Variants in TM4SF4 observed in about 807,000 individuals in gnomAD.
TM4SF4 encodes the protein transmembrane 4 L6 family member 4.
A neutral mutation model predicts 24.1 loss-of-function variants in TM4SF4; 24 were observed. The observed-to-expected ratio is 1.00, with a 90% CI of 0.72 to 1.40. The LOEUF (loss-of-function observed/expected upper bound fraction) is 1.40. Among genes scored for constraint, TM4SF4 ranks in the 40% most tolerant of loss-of-function variants. TM4SF4 has a pLI of 0.00. For missense variants in TM4SF4, 254 were observed against 254.2 expected (o/e 1.00, Z 0.01); for synonymous variants, 113 against 97.0 (o/e 1.17, Z -0.97).
intron 2 of TM4SF4, among the ~76,000 whole-genome samples, chr3:149,486,829 C>G (rs1346016333): frequency 6.6e-6 from 1 of 152,056 alleles, no homozygotes; most frequent in Admixed American, 6.6e-5. Context: ...ATCTTTTTGG[C>G]CTCGAGGAAC....
chr3:149,481,500 C>T (rs1224215410), intron 2 of TM4SF4, among the ~76,000 whole-genome samples: 1 of 152,132 alleles, frequency 6.6e-6, no homozygotes, highest in East Asian at 1.9e-4. Context: ...GCCACTTCCC[C>T]CACTCCCTTC....
At chr3:149,477,786 G>A (rs1733958113) in intron 2 of TM4SF4, among the ~76,000 whole-genome samples, 1 of 152,082 alleles carries the variant, frequency 6.6e-6, no homozygotes. Flanking sequence ...TAAAGGAAAA[G>A]AAGGTATTTA....
At chr3:149,493,875 C>G (rs1013199550) in intron 3 of TM4SF4, among the ~76,000 whole-genome samples, 5 of 152,204 alleles carry the variant, frequency 3.3e-5, no homozygotes, top group African/African-American at 1.2e-4. Flanking sequence ...GAGGTGGCAT[C>G]TGAATTCACC....
At chr3:149,490,252 C>T (rs373750037) in intron 3 of TM4SF4, among the ~76,000 whole-genome samples, 3 of 152,226 alleles carry the variant, frequency 2.0e-5, no homozygotes, top group African/African-American at 7.2e-5. Context: ...CCTGTTTCCT[C>T]CCTTCTGAGA....
At chr3:149,496,879 A>AC (rs57990042) in intron 3 of TM4SF4, among the ~76,000 whole-genome samples, 13,006 of 151,858 alleles carry the variant, frequency 0.086, 1,107 homozygotes, top group East Asian at 0.43. Flanking sequence ...TAAAAAAAAA[A>AC]AAAACTGATG....
chr3:149,486,693 A>G (rs141153547), intron 2 of TM4SF4, among the ~76,000 whole-genome samples: 2 of 152,336 alleles, frequency 1.3e-5, no homozygotes, highest in East Asian at 3.9e-4. Flanking sequence ...ATTTAAAAGA[A>G]TGGAATTTTT....
chr3:149,490,430 A>T (rs542559109), intron 3 of TM4SF4, among the ~76,000 whole-genome samples: 1 of 152,336 alleles, frequency 6.6e-6, no homozygotes, highest in South Asian at 2.1e-4. Flanking sequence ...TTTGATCCTC[A>T]CAAAAAGTTT....
At chr3:149,481,960 A>G (rs1425737531) in intron 2 of TM4SF4, among the ~76,000 whole-genome samples, 1 of 152,250 alleles carries the variant, frequency 6.6e-6, no homozygotes, top group Admixed American at 6.5e-5. Flanking sequence ...TAACAAAAAT[A>G]CTATAATATA....
chr3:149,491,510 T>TAC (rs1234318351), intron 3 of TM4SF4, among the ~76,000 whole-genome samples: 1 of 149,624 alleles, frequency 6.7e-6, no homozygotes, highest in Admixed American at 6.7e-5. Context: ...AATATATATA[T>TAC]ATACACACAC....
chr3:149,480,145 G>T (rs562893711), intron 2 of TM4SF4, among the ~76,000 whole-genome samples: 346 of 151,970 alleles, frequency 2.3e-3, no homozygotes, highest in South Asian at 8.5e-3. Flanking sequence ...TAAGAACCCC[G>T]GCCTGGGTTT....
intron 4 of TM4SF4, among the ~76,000 whole-genome samples, chr3:149,501,814 G>C (rs1205621166): frequency 2.0e-5 from 3 of 152,206 alleles, no homozygotes; most frequent in African/African-American, 7.2e-5. Context: ...CATTCAGGCG[G>C]AAAGTATTTA....
rs147213333 is a variant in TM4SF4, at chr3:149,488,103, A to G, written c.401+348A>G. Among the ~76,000 whole-genome samples the G allele has an allele frequency of 3.3e-5, 5 of 152,358 alleles. No homozygotes were observed. The East Asian group carries it at 9.6e-4, about 29-fold the overall frequency. On this transcript the variant is annotated intron_variant, in intron 3 of 4. Coordinates refer to ENST00000305354, the MANE Select transcript of TM4SF4 (RefSeq NM_004617.4). Reference sequence around the variant, plus strand: ...AATAAACAGAGTAATAGTTTTCATTACAAATCTCATAATAGAAAACAAGAA... The same window carrying G: ...AATAAACAGAGTAATAGTTTTCATTGCAAATCTCATAATAGAAAACAAGAA...
chr3:149,488,670 A>G (rs1576520032), intron 3 of TM4SF4, among the ~76,000 whole-genome samples: 3 of 152,382 alleles, frequency 2.0e-5, no homozygotes, highest in Non-Finnish European at 2.9e-5. Context: ...TGTATTGAAT[A>G]GCACAGATCT....
At chr3:149,475,712 C>A in intron 1 of TM4SF4, 111 bp from the exon 2 acceptor site, 1 of 870,466 alleles carries the variant, frequency 1.1e-6, no homozygotes. Flanking sequence ...TTGCCATTCC[C>A]TTTGGGCCTC....
At chr3:149,495,055 C>T (rs1182821772) in intron 3 of TM4SF4, 3 of 248,754 alleles carry the variant, frequency 1.2e-5, no homozygotes, top group South Asian at 1.2e-4. Flanking sequence ...ACATGCCCTT[C>T]GTGCTTACAC....
chr3:149,488,996 A>G (rs1183755876), intron 3 of TM4SF4, among the ~76,000 whole-genome samples: 5 of 152,206 alleles, frequency 3.3e-5, no homozygotes, highest in Non-Finnish European at 7.3e-5. Context: ...GTTCTCTGTG[A>G]TACATGGTCT....
chr3:149,484,167 A>G (rs4681176), intron 2 of TM4SF4, among the ~76,000 whole-genome samples: 53,298 of 151,986 alleles, frequency 0.35, 9,758 homozygotes, highest in Middle Eastern at 0.42. Context: ...CCATCAAAAG[A>G]CTCCCACAGC....
At chr3:149,479,566 G>T (rs973183818) in intron 2 of TM4SF4, among the ~76,000 whole-genome samples, 1 of 152,070 alleles carries the variant, frequency 6.6e-6, no homozygotes, top group African/African-American at 2.4e-5. Flanking sequence ...AGCAAAAACT[G>T]CAGACTAATT....
chr3:149,474,746 G>A lies in TM4SF4; in HGVS notation c.-132G>A. 1 of 956,506 alleles carries A rather than the reference G, an allele frequency of 1.0e-6. No homozygotes were observed. Among genetic ancestry groups the A allele is most frequent in the South Asian group, 2.1e-5 (1 of 48,702 alleles). The allele number at this position is 956,506 out of a possible 1,614,324, so 59.3% of individuals were successfully genotyped here. ...CAAGGACACAGTTCACAGAAATTTG[G>A]TTCTCAGCCCCAAAATACTGATTGA... On this transcript the variant is annotated 5_prime_UTR_variant, in exon 1 of 5. Transcript: ENST00000305354.
Sources: allele counts gnomAD v4.1 joint callset (sites outside exome capture counted in the v4.1 genomes callset), GRCh38; gene constraint gnomAD v4.1.1; transcripts MANE v1.5; gene names NCBI Gene and HGNC (gene_info 2026-07-23, HGNC 2026-07-21).